Variants in ERC1 observed in about 807,000 individuals in gnomAD.
The protein encoded by ERC1 is RAB6 interacting protein 2.
In ERC1, 56 loss-of-function variants were observed where a neutral mutation model predicts 132.0. That is an observed-to-expected ratio of 0.42 (90% CI 0.34 to 0.53). The LOEUF is 0.53. Ranked by LOEUF, ERC1 falls within the 20% of genes least tolerant of loss-of-function variation. The pLI, the probability that ERC1 is intolerant of heterozygous loss-of-function variation, is 0.03. For missense variants in ERC1, 1,202 were observed against 1,349.9 expected (o/e 0.89, Z 1.72); for synonymous variants, 478 against 476.1 (o/e 1.00, Z -0.05).
At chr12:1,073,041 C>T (rs930433154) in intron 2 of ERC1, among the ~76,000 whole-genome samples, 6 of 152,078 alleles carry the variant, frequency 3.9e-5, no homozygotes, top group Non-Finnish European at 8.8e-5. Flanking sequence ...GTGGCTCATG[C>T]CTGTAATCCC....
intron 17 of ERC1, among the ~76,000 whole-genome samples, chr12:1,415,659 G>A (rs532980804): frequency 6.6e-6 from 1 of 152,266 alleles, no homozygotes; most frequent in South Asian, 2.1e-4. Flanking sequence ...GAATTAAATG[G>A]TGCAGTGAAT....
intron 13 of ERC1, among the ~76,000 whole-genome samples, chr12:1,258,274 T>C (rs1030363610): frequency 6.6e-6 from 1 of 152,158 alleles, no homozygotes; most frequent in Non-Finnish European, 1.5e-5. Context: ...ACATAGTATA[T>C]GTAGATTTCT....
intron 15 of ERC1, among the ~76,000 whole-genome samples, chr12:1,341,414 A>G (rs141730616): frequency 3.6e-3 from 554 of 152,160 alleles, no homozygotes; most frequent in African/African-American, 0.013. Context: ...AACCAACCCA[A>G]ATGTCCATCA....
intron 12 of ERC1, among the ~76,000 whole-genome samples, chr12:1,234,303 A>C (rs968104496): frequency 2.0e-5 from 3 of 152,234 alleles, no homozygotes; most frequent in Non-Finnish European, 4.4e-5. Context: ...AGTGAGCCAC[A>C]GATCCCAGTT....
chr12:1,457,275 A>G (rs1184072019), intron 18 of ERC1, among the ~76,000 whole-genome samples: 5 of 152,210 alleles, frequency 3.3e-5, no homozygotes, highest in African/African-American at 7.2e-5. Flanking sequence ...TATCCCCACC[A>G]TTAAGTGACA....
intron 13 of ERC1, among the ~76,000 whole-genome samples, chr12:1,253,932 T>C (rs1040332150): frequency 2.6e-5 from 4 of 152,156 alleles, no homozygotes; most frequent in Non-Finnish European, 5.9e-5. Flanking sequence ...CTTTGAAAGG[T>C]CTTCCTTCTT....
intron 1 of ERC1, among the ~76,000 whole-genome samples, chr12:1,007,299 G>C (rs956009813): frequency 6.6e-6 from 1 of 152,200 alleles, no homozygotes; most frequent in Non-Finnish European, 1.5e-5. Context: ...AATAACAGGA[G>C]TATATTTGTA....
intron 15 of ERC1, among the ~76,000 whole-genome samples, chr12:1,325,134 A>G (rs1042216982): frequency 6.6e-6 from 1 of 152,190 alleles, no homozygotes; most frequent in Admixed American, 6.5e-5. Context: ...GAAGCTCTTC[A>G]GCTTCCCTTT....
rs1281458389 is a variant in ERC1 at position 1,492,798 on chromosome 12, A to T, written c.*2568A>T. ...AGTGGATGCAGTTTGTAGCTTTCAG[A>T]GTGTCTCATTGAGTCTAGATCATTG... On this transcript the variant is annotated 3_prime_UTR_variant, in exon 19 of 19. Transcript: ENST00000360905. The T allele has an allele frequency of 4.3e-6, 1 of 231,850 alleles. No individual in the cohort carries two copies. The highest frequency in any genetic ancestry group is 8.5e-6 in the Non-Finnish European group (1 of 117,280). 14.4% of individuals were successfully genotyped at this position (231,850 alleles called of 1,614,324 possible).
intron 7 of ERC1, among the ~76,000 whole-genome samples, chr12:1,131,733 G>A (rs189009459): frequency 7.4e-4 from 113 of 152,272 alleles, no homozygotes; most frequent in African/African-American, 9.9e-4. Context: ...CAAAGTGCTG[G>A]GATTACAGGT....
Position 1,201,922 on chromosome 12 carries a change from A to G in ERC1, c.2351+11870A>G, listed in dbSNP as rs561130892. Among the ~76,000 whole-genome samples, 7 of 152,316 alleles carry G rather than the reference A, an allele frequency of 4.6e-5. No individual in the cohort carries two copies. In the East Asian group the frequency reaches 1.3e-3, roughly 29 times the overall value. On this transcript the variant is annotated intron_variant, in intron 12 of 18. Coordinates refer to ENST00000360905, the MANE Select transcript of ERC1 (RefSeq NM_178040.4). ...ATGTGGTTAGAGTGGAAGAGAGATG[A>G]CTGGGGCTGCGGATGGTGGCTCAGA...
At chr12:1,477,439 A>G (rs1296452577) in intron 18 of ERC1, among the ~76,000 whole-genome samples, 1 of 152,304 alleles carries the variant, frequency 6.6e-6, no homozygotes, top group East Asian at 1.9e-4. Context: ...AAACCCCTGC[A>G]CGTGTGAGAC....
At chr12:1,427,751 T>C (rs1016901824) in intron 17 of ERC1, among the ~76,000 whole-genome samples, 2 of 152,178 alleles carry the variant, frequency 1.3e-5, no homozygotes, top group Admixed American at 1.3e-4. Flanking sequence ...ATAAAACCTA[T>C]GCCAAAGGTT....
chr12:1,375,399 C>T (rs1356521639), intron 16 of ERC1, among the ~76,000 whole-genome samples: 2 of 152,190 alleles, frequency 1.3e-5, no homozygotes, highest in Non-Finnish European at 2.9e-5. Context: ...GGCCCCTCCC[C>T]TGACACATGG....
intron 7 of ERC1, among the ~76,000 whole-genome samples, chr12:1,120,207 T>A (rs917674895): frequency 2.6e-5 from 4 of 152,094 alleles, no homozygotes; most frequent in Admixed American, 6.6e-5. Flanking sequence ...TTGCCCAGGA[T>A]GTTCTTGAAC....
chr12:1,007,540 C>CTCTCTCTCTG (rs1555194875), intron 1 of ERC1, among the ~76,000 whole-genome samples: 15 of 122,784 alleles, frequency 1.2e-4, no homozygotes, highest in Non-Finnish European at 1.1e-4. Flanking sequence ...CTCTCTCTCT[C>CTCTCTCTCTG]TGTGTGTGTG....
intron 9 of ERC1, 152 bp downstream of exon 9, chr12:1,180,829 T>G: frequency 2.3e-6 from 2 of 888,500 alleles, no homozygotes; most frequent in Admixed American, 5.4e-5. Flanking sequence ...GGAAACATTT[T>G]TTTTAGATGG....
At chr12:1,370,802 A>G (rs1478647836) in intron 15 of ERC1, among the ~76,000 whole-genome samples, 1 of 152,032 alleles carries the variant, frequency 6.6e-6, no homozygotes, top group Admixed American at 6.6e-5. Context: ...GCTCACTGCA[A>G]CCCCACCTCC....
At chr12:1,303,325 C>T (rs968556021) in intron 15 of ERC1, among the ~76,000 whole-genome samples, 7 of 152,218 alleles carry the variant, frequency 4.6e-5, no homozygotes, top group Non-Finnish European at 4.4e-5. Flanking sequence ...AAATTGGAGT[C>T]AATCCTCTCA....
Sources: allele counts gnomAD v4.1 joint callset (sites outside exome capture counted in the v4.1 genomes callset), GRCh38; gene constraint gnomAD v4.1.1; transcripts MANE v1.5; gene names NCBI Gene and HGNC (gene_info 2026-07-23, HGNC 2026-07-21).